Variants in TENM2 observed in about 807,000 individuals in gnomAD.
TENM2 encodes the protein teneurin-2.
TENM2 carries 52 observed loss-of-function variants against 245.2 expected under a neutral mutation model. That is an observed-to-expected ratio of 0.21 (90% CI 0.17 to 0.27). The LOEUF is 0.27. Among genes scored for constraint, TENM2 ranks in the 10% least tolerant of loss-of-function variants. The pLI is 1.00. For synonymous variants in TENM2, 1,363 were observed against 1,438.9 expected, an observed-to-expected ratio of 0.95 and a Z score of 1.19; for missense variants, 3,046 against 3,666.8, an observed-to-expected ratio of 0.83 and a Z score of 4.37.
intron 2 of TENM2, among the ~76,000 whole-genome samples, chr5:167,828,513 A>G (rs1768180836): frequency 6.6e-6 from 1 of 152,224 alleles, no homozygotes; most frequent in Non-Finnish European, 1.5e-5. Flanking sequence ...CTGCGTCCTC[A>G]GCCCTGTTGA....
At chr5:167,134,819 G>T in the TENM2 span, among the ~76,000 whole-genome samples, 3 of 152,166 alleles carry the variant, frequency 2.0e-5, no homozygotes, top group South Asian at 2.1e-4. Context: ...TAAGCATAAT[G>T]GTATAACAAA....
chr5:168,143,277 T>A (rs891622108), intron 12 of TENM2, among the ~76,000 whole-genome samples: 5 of 150,364 alleles, frequency 3.3e-5, no homozygotes, highest in African/African-American at 7.3e-5. Flanking sequence ...TTTTTTTTTT[T>A]CAGAAACCAC....
chr5:167,254,244 G>A, the TENM2 span, among the ~76,000 whole-genome samples: 2 of 152,098 alleles, frequency 1.3e-5, no homozygotes, highest in Non-Finnish European at 2.9e-5. Flanking sequence ...GGCAGTTTCA[G>A]GAACAGCTGC....
At chr5:167,131,158 T>C in the TENM2 span, among the ~76,000 whole-genome samples, 1 of 152,164 alleles carries the variant, frequency 6.6e-6, no homozygotes, top group African/African-American at 2.4e-5. Flanking sequence ...GGTTAAAACA[T>C]TCTCTGATGG....
At chr5:167,707,681 C>A (rs563674797) in intron 2 of TENM2, among the ~76,000 whole-genome samples, 1 of 152,230 alleles carries the variant, frequency 6.6e-6, no homozygotes, top group African/African-American at 2.4e-5. Context: ...ATCTTAGAAC[C>A]CACTGCCTGA....
chr5:167,883,548 G>T (rs1055010653), intron 3 of TENM2, among the ~76,000 whole-genome samples: 1 of 152,182 alleles, frequency 6.6e-6, no homozygotes, highest in Non-Finnish European at 1.5e-5. Context: ...AGTGACAGAC[G>T]GCAGAGAACT....
chr5:167,188,312 G>A, the TENM2 span, among the ~76,000 whole-genome samples: 2 of 152,298 alleles, frequency 1.3e-5, no homozygotes, highest in Non-Finnish European at 2.9e-5. Flanking sequence ...TTCAGCGCGG[G>A]CTGCTGCTGG....
chr5:168,136,138 G>A (rs75960471), intron 12 of TENM2, among the ~76,000 whole-genome samples: 3 of 152,274 alleles, frequency 2.0e-5, no homozygotes, highest in South Asian at 2.1e-4. Context: ...GGTAGGTGAC[G>A]TGAGAAGTTT....
intron 2 of TENM2, among the ~76,000 whole-genome samples, chr5:167,422,649 T>C (rs1205388925): frequency 6.6e-6 from 1 of 152,180 alleles, no homozygotes; most frequent in Non-Finnish European, 1.5e-5. Flanking sequence ...ATAAGATGCA[T>C]GCCACTGATA....
intron 2 of TENM2, among the ~76,000 whole-genome samples, chr5:167,509,126 A>G (rs1488457037): frequency 6.6e-6 from 1 of 152,188 alleles, no homozygotes; most frequent in East Asian, 1.9e-4. Context: ...CGATCTTTTA[A>G]TATTTTAGCG....
chr5:167,112,808 A>T, the TENM2 span, among the ~76,000 whole-genome samples: 2 of 152,218 alleles, frequency 1.3e-5, no homozygotes, highest in African/African-American at 4.8e-5. Flanking sequence ...TCCTAACGGA[A>T]TATTGGAAAA....
At chr5:168,155,371 A>C (rs926618388) in intron 12 of TENM2, among the ~76,000 whole-genome samples, 19 of 143,592 alleles carry the variant, frequency 1.3e-4, no homozygotes, top group African/African-American at 5.0e-4. Flanking sequence ...ACAAACAAAA[A>C]AAAAACAGTG....
chr5:167,496,998 A>G (rs150472778), intron 2 of TENM2, among the ~76,000 whole-genome samples: 1 of 152,240 alleles, frequency 6.6e-6, no homozygotes, highest in African/African-American at 2.4e-5. Flanking sequence ...TTTCATTTTA[A>G]TCATTCTAGG....
chr5:167,302,306 T>G (rs1755381609), intron 1 of TENM2, among the ~76,000 whole-genome samples: 1 of 151,720 alleles, frequency 6.6e-6, no homozygotes, highest in African/African-American at 2.4e-5. Context: ...CAGGTGTGAG[T>G]TGAAGAGGTT....
intron 2 of TENM2, among the ~76,000 whole-genome samples, chr5:167,494,691 A>C (rs1295908327): frequency 6.6e-6 from 1 of 152,132 alleles, no homozygotes; most frequent in East Asian, 1.9e-4. Context: ...GTTTAAAGAA[A>C]TAGCTGTAAA....
At chr5:167,499,768 G>T (rs946764368) in intron 2 of TENM2, among the ~76,000 whole-genome samples, 3 of 152,000 alleles carry the variant, frequency 2.0e-5, no homozygotes, top group Non-Finnish European at 4.4e-5. Flanking sequence ...GCTCCGCTTT[G>T]ATTCAGTCAA....
chr5:167,135,879 C>T, the TENM2 span, among the ~76,000 whole-genome samples: 1 of 152,086 alleles, frequency 6.6e-6, no homozygotes, highest in Non-Finnish European at 1.5e-5. Flanking sequence ...GGTTATCTGT[C>T]CTGGTTGATT....
At chr5:167,894,843 A>C (rs1272880388) in intron 3 of TENM2, among the ~76,000 whole-genome samples, 1 of 152,120 alleles carries the variant, frequency 6.6e-6, no homozygotes, top group Non-Finnish European at 1.5e-5. Context: ...ACTCAAAACA[A>C]AGGTGAAAAT....
intron 2 of TENM2, among the ~76,000 whole-genome samples, chr5:167,665,891 C>A (rs1435292200): frequency 1.3e-5 from 2 of 152,100 alleles, no homozygotes; most frequent in Non-Finnish European, 2.9e-5. Context: ...ACAATCAGAT[C>A]AAAAATCGCC....
Sources: allele counts gnomAD v4.1 joint callset (sites outside exome capture counted in the v4.1 genomes callset), GRCh38; gene constraint gnomAD v4.1.1; transcripts MANE v1.5; gene names NCBI Gene and HGNC (gene_info 2026-07-23, HGNC 2026-07-21).